PALD1: variants seen among roughly 807,000 people sequenced by gnomAD.
PALD1 encodes phosphatase domain containing paladin 1.
PALD1 carries 57 observed loss-of-function variants against 96.0 expected under a neutral mutation model. The ratio of observed to expected loss-of-function variants is 0.59; its 90% confidence interval spans 0.48 to 0.74. The LOEUF is 0.74. Ranked by LOEUF, PALD1 falls within the 30% of genes least tolerant of loss-of-function variation. The pLI, the probability that PALD1 is intolerant of heterozygous loss-of-function variation, is 0.00. For missense variants in PALD1, 1,063 were observed against 1,143.7 expected (o/e 0.93, Z 1.02); for synonymous variants, 464 against 473.6 (o/e 0.98, Z 0.26).
At chr10:70,476,953 G>A (rs1238663959), upstream of PALD1, among the ~76,000 whole-genome samples, 1 of 152,038 alleles carries the variant, frequency 6.6e-6, no homozygotes, top group Non-Finnish European at 1.5e-5. Flanking sequence ...GTATATATGT[G>A]TGCATGCATC....
chr10:70,537,057 G>A (rs945201137), intron 10 of PALD1, among the ~76,000 whole-genome samples: 5 of 152,064 alleles, frequency 3.3e-5, no homozygotes, highest in Non-Finnish European at 7.4e-5. Context: ...GGCTCCCCTG[G>A]AGCACTGCTG....
In PALD1 at chr10:70,537,991, G is replaced by A; in HGVS notation, c.1323+85G>A. On this transcript the variant is annotated intron_variant, in intron 11 of 19. Coordinates refer to ENST00000263563, the MANE Select transcript of PALD1 (RefSeq NM_014431.3). Reference sequence around the variant, plus strand: ...ACCGCAGTGACTGGCTTGCTGTGGAGGGAGACCCCCCAAGGAACCGGGGAG... The same window carrying A: ...ACCGCAGTGACTGGCTTGCTGTGGAAGGAGACCCCCCAAGGAACCGGGGAG... 3 of 1,052,716 alleles carry A rather than the reference G, an allele frequency of 2.8e-6. 1 individual carries two copies. In the African/African-American group the frequency reaches 4.7e-5, roughly 16 times the overall value. The allele number at this position is 1,052,716 out of a possible 1,614,324, so 65.2% of individuals were successfully genotyped here.
intron 10 of PALD1, among the ~76,000 whole-genome samples, chr10:70,536,727 G>A (rs898434499): frequency 6.6e-6 from 1 of 152,204 alleles, no homozygotes; most frequent in Non-Finnish European, 1.5e-5. Context: ...GGCCCTTTAT[G>A]GAAAAAGTTT....
intron 17 of PALD1, among the ~76,000 whole-genome samples, chr10:70,543,166 T>C (rs1304108458): frequency 6.6e-6 from 1 of 152,108 alleles, no homozygotes; most frequent in African/African-American, 2.4e-5. Context: ...TCAATATCTT[T>C]TTATGTGTTT....
At chr10:70,518,454 C>T (rs1846659600) in intron 1 of PALD1, among the ~76,000 whole-genome samples, 1 of 152,178 alleles carries the variant, frequency 6.6e-6, no homozygotes, top group Admixed American at 6.5e-5. Flanking sequence ...TCACTGCTCG[C>T]CAGCAGTGTA....
At chr10:70,534,901 T>A in intron 10 of PALD1, 58 bp downstream of exon 10, 1 of 1,128,238 alleles carries the variant, frequency 8.9e-7, no homozygotes, top group South Asian at 1.3e-5. Flanking sequence ...GCAGCCTGAT[T>A]TCATTAGGCA....
chr10:70,558,972 G>A (rs1369923178), intron 18 of PALD1, among the ~76,000 whole-genome samples: 4 of 152,082 alleles, frequency 2.6e-5, no homozygotes, highest in Admixed American at 2.6e-4. Context: ...TCTATCAGCC[G>A]AGGGTCTGGT....
Position 70,566,757 on chromosome 10 carries a change from A to T in PALD1, c.*24A>T. On this transcript the variant is annotated 3_prime_UTR_variant, in exon 20 of 20. Transcript: ENST00000263563. ...AGGGGGCCTTACTCCCTGTCCCCCC[A>T]CCCACAGGGCCCCACGCAGGCCTGG... is the stretch of plus-strand genomic sequence containing the variant. 6.6e-7 allele frequency: 1 copy of T among 1,522,226 alleles called. No individual in the cohort carries two copies. 94.3% of individuals were successfully genotyped at this position (1,522,226 alleles called of 1,614,324 possible). A position where few individuals can be genotyped will look rare whatever the true frequency, so the allele number is the denominator to read the frequency against.
At chr10:70,558,443 G>A (rs1260589396) in intron 18 of PALD1, among the ~76,000 whole-genome samples, 2 of 152,176 alleles carry the variant, frequency 1.3e-5, no homozygotes, top group Non-Finnish European at 2.9e-5. Context: ...TTGACAAACG[G>A]TTATTACACA....
chr10:70,533,115 G>A (rs781046959), intron 7 of PALD1, 45 bp downstream of exon 7: 41 of 1,487,424 alleles, frequency 2.8e-5, no homozygotes, highest in East Asian at 7.3e-5. Context: ...CTTGAGAGTC[G>A]TCCCCATGGA....
At chr10:70,564,884 C>T (rs963581466) in intron 19 of PALD1, among the ~76,000 whole-genome samples, 4 of 152,234 alleles carry the variant, frequency 2.6e-5, no homozygotes, top group African/African-American at 9.6e-5. Context: ...GCACTTCATG[C>T]CCACAATTGT....
chr10:70,479,810 C>T (rs1288126026), intron 1 of PALD1, among the ~76,000 whole-genome samples: 2 of 152,320 alleles, frequency 1.3e-5, no homozygotes, highest in African/African-American at 2.4e-5. Context: ...ACCCAGTGGC[C>T]GAGCACCTCT....
chr10:70,564,045 G>A (rs537402777), intron 18 of PALD1, among the ~76,000 whole-genome samples: 11 of 152,250 alleles, frequency 7.2e-5, no homozygotes, highest in African/African-American at 1.9e-4. Flanking sequence ...TACCTCAGGC[G>A]CCATGCAGGG....
In PALD1 at chr10:70,533,924, G is replaced by T; in HGVS notation, c.873G>T (p.Glu291Asp). Reference protein sequence around the residue: ...QLDAFVSVLRETPSLLQLRDA... With the variant: ...QLDAFVSVLRDTPSLLQLRDA... Reference sequence around the variant, plus strand: ...CTGATCCTCATGGTCTTTCCCAGGAGACCCCCAGCCTGCTGCAGCTCCGTG... The same window carrying T: ...CTGATCCTCATGGTCTTTCCCAGGATACCCCCAGCCTGCTGCAGCTCCGTG... Residue 291 changes from glutamate (E) to aspartate (D), a missense_variant and splice_region_variant, in exon 8 of 20, where the codon GAG becomes GAT. Physicochemically the swap from Glu to Asp is conservative, Grantham distance 45. Transcript: ENST00000263563. 1 of 1,586,704 alleles carries T rather than the reference G, an allele frequency of 6.3e-7. No individual in the cohort carries two copies. The highest frequency in any genetic ancestry group is 1.4e-5 in the African/African-American group (1 of 74,014).
At chr10:70,507,206 A>C (rs1846408633) in intron 1 of PALD1, among the ~76,000 whole-genome samples, 1 of 151,690 alleles carries the variant, frequency 6.6e-6, no homozygotes, top group African/African-American at 2.4e-5. Flanking sequence ...GTTCAAGACC[A>C]GCCTGGCCAA....
chr10:70,517,823 C>A (rs935279987), intron 1 of PALD1, among the ~76,000 whole-genome samples: 12 of 152,122 alleles, frequency 7.9e-5, no homozygotes, highest in Admixed American at 7.9e-4. Context: ...TGGGGCTTGG[C>A]TTGTTTCTCT....
chr10:70,460,795 C>T, the PALD1 span, among the ~76,000 whole-genome samples: 2 of 152,228 alleles, frequency 1.3e-5, no homozygotes, highest in African/African-American at 4.8e-5. Context: ...GTGGCTCACG[C>T]CTGTAATCTC....
intron 1 of PALD1, among the ~76,000 whole-genome samples, chr10:70,493,190 G>C (rs1846128180): frequency 1.3e-5 from 2 of 152,200 alleles, no homozygotes; most frequent in Non-Finnish European, 2.9e-5. Context: ...CATGATTGCA[G>C]TTCACTGCAA....
intron 1 of PALD1, among the ~76,000 whole-genome samples, chr10:70,514,125 C>T (rs913390507): frequency 3.9e-5 from 6 of 152,254 alleles, no homozygotes; most frequent in Non-Finnish European, 7.3e-5. Context: ...CCTCTGCGGG[C>T]CGTCCGGTCA....
Sources: allele counts gnomAD v4.1 joint callset (sites outside exome capture counted in the v4.1 genomes callset), GRCh38; gene constraint gnomAD v4.1.1; transcripts MANE v1.5; gene names NCBI Gene and HGNC (gene_info 2026-07-23, HGNC 2026-07-21).